Variants in MED13L observed in about 807,000 individuals in gnomAD.
The protein encoded by MED13L is mediator of RNA polymerase II transcription subunit 13-like.
In MED13L, 7 loss-of-function variants were observed where a neutral mutation model predicts 220.9. That is an observed-to-expected ratio of 0.03 (90% CI 0.02 to 0.06). The LOEUF (loss-of-function observed/expected upper bound fraction) is 0.06, where lower values mean the gene tolerates loss of function less well. Among genes scored for constraint, MED13L ranks in the 10% least tolerant of loss-of-function variants. MED13L has a pLI of 1.00. For synonymous variants in MED13L, 1,011 were observed against 1,015.2 expected, an observed-to-expected ratio of 1.00 and a Z score of 0.08; for missense variants, 1,965 against 2,760.5, an observed-to-expected ratio of 0.71 and a Z score of 6.46.
At position 116,008,969 on chromosome 12, in the gene MED13L, T is replaced by C. The variant is rs1879223663; in HGVS notation, c.1444A>G (p.Arg482Gly). 1.2e-6 allele frequency: 2 copies of C among 1,614,172 alleles called. No individual in the cohort carries two copies. Among genetic ancestry groups the C allele is most frequent in the Non-Finnish European group, 1.7e-6 (2 of 1,180,020 alleles). Residue 482 changes from arginine (R) to glycine (G), a missense_variant, in exon 10 of 31, where the codon AGA (arginine) becomes GGA (glycine). Arg to Gly is a moderately radical substitution (Grantham distance 125). This residue lies in a region of MED13L where 818 missense variants were observed against 1,041.2 expected (regional missense o/e 0.79). Coordinates refer to ENST00000281928, the MANE Select transcript of MED13L (RefSeq NM_015335.5). ...CTATGGTGAAATGGTATTAAGGGTC[T>C]CTTTTGCAGCTTGTCTCCTTTTTCC... ...RQEKGDKLQKRPLIPFHHRPS... is the reference protein window; with the variant it reads ...RQEKGDKLQKGPLIPFHHRPS...
intron 1 of MED13L, among the ~76,000 whole-genome samples, chr12:116,272,627 A>G (rs1873472348): frequency 6.6e-6 from 1 of 152,132 alleles, no homozygotes; most frequent in East Asian, 1.9e-4. Context: ...AATACATACT[A>G]TCCTAAACAC....
intron 4 of MED13L, among the ~76,000 whole-genome samples, chr12:116,057,374 A>G (rs927503355): frequency 6.6e-6 from 1 of 152,118 alleles, no homozygotes; most frequent in Non-Finnish European, 1.5e-5. Flanking sequence ...ACCAAACTGC[A>G]AAACTCTATC....
chr12:116,193,287 GACA>G (rs1881403928), intron 2 of MED13L, among the ~76,000 whole-genome samples: 1 of 152,104 alleles, frequency 6.6e-6, no homozygotes, highest in African/African-American at 2.4e-5. Flanking sequence ...CTACAGCTTG[GACA>G]ACAAAGCAAA....
intron 2 of MED13L, among the ~76,000 whole-genome samples, chr12:116,158,611 A>T (rs111554713): frequency 4.5e-4 from 69 of 152,266 alleles, no homozygotes; most frequent in African/African-American, 1.6e-3. Flanking sequence ...TTATATTATA[A>T]AAGATTTAGT....
At chr12:116,167,268 ATAT>A (rs1201310507) in intron 2 of MED13L, among the ~76,000 whole-genome samples, 1 of 152,202 alleles carries the variant, frequency 6.6e-6, no homozygotes, top group Non-Finnish European at 1.5e-5. Context: ...GGCAAGATTA[ATAT>A]TATGTTTACA....
chr12:115,976,098 G>A (rs1278624467), intron 23 of MED13L, among the ~76,000 whole-genome samples: 2 of 152,014 alleles, frequency 1.3e-5, no homozygotes, highest in Non-Finnish European at 2.9e-5. Flanking sequence ...AGAAAATATT[G>A]GTAAGAATAT....
intron 29 of MED13L, among the ~76,000 whole-genome samples, chr12:115,963,748 T>G (rs1282303618): frequency 2.0e-5 from 3 of 152,232 alleles, no homozygotes; most frequent in Non-Finnish European, 4.4e-5. Context: ...GGGCTTTTTT[T>G]GTCTACTACA....
At chr12:116,034,929 T>TGGGAGGCGGAGGTTGCA (rs1201934644) in intron 4 of MED13L, among the ~76,000 whole-genome samples, 2 of 152,038 alleles carry the variant, frequency 1.3e-5, no homozygotes, top group Non-Finnish European at 2.9e-5. Context: ...CACTTGAACC[T>TGGGAGGCGGAGGTTGCA]GGGAGGCGGA....
intron 2 of MED13L, among the ~76,000 whole-genome samples, chr12:116,159,545 C>G (rs1026000998): frequency 6.6e-6 from 1 of 152,148 alleles, no homozygotes; most frequent in South Asian, 2.1e-4. Flanking sequence ...ATCACTCTAA[C>G]TTACAGTTCA....
intron 2 of MED13L, among the ~76,000 whole-genome samples, chr12:116,217,240 G>C (rs1003016504): frequency 1.3e-5 from 2 of 152,188 alleles, no homozygotes; most frequent in African/African-American, 4.8e-5. Context: ...CAACCTATTA[G>C]GGAATGAAAC....
rs183520369 is a variant in MED13L, at chr12:116,193,987, C to G, written c.310+43481G>C. Reference sequence around the variant, plus strand: ...CTATTAAAAAGCTCCAATTAACTTTCCAGCCTTTCAGCAATTTACAAAACT... The same window carrying G: ...CTATTAAAAAGCTCCAATTAACTTTGCAGCCTTTCAGCAATTTACAAAACT... On this transcript the variant is annotated intron_variant, in intron 2 of 30. Transcript: ENST00000281928. Among the ~76,000 whole-genome samples, 138 of 152,300 alleles carry G rather than the reference C, an allele frequency of 9.1e-4. 1 individual carries two copies. Among genetic ancestry groups the G allele is most frequent in the African/African-American group, 3.2e-3 (133 of 41,564 alleles).
chr12:116,235,410 T>C (rs1335705827), intron 2 of MED13L, among the ~76,000 whole-genome samples: 1 of 152,194 alleles, frequency 6.6e-6, no homozygotes, highest in African/African-American at 2.4e-5. Flanking sequence ...TTCACAATAC[T>C]ACATTTAATT....
chr12:115,992,697 T>C (rs1244089138), intron 16 of MED13L, among the ~76,000 whole-genome samples: 1 of 152,176 alleles, frequency 6.6e-6, no homozygotes, highest in Non-Finnish European at 1.5e-5. Flanking sequence ...TGTATCAGAG[T>C]TTCCAGCTTC....
intron 4 of MED13L, among the ~76,000 whole-genome samples, chr12:116,095,949 T>C (rs1872600078): frequency 6.6e-6 from 1 of 152,194 alleles, no homozygotes; most frequent in Admixed American, 6.5e-5. Flanking sequence ...GTTCTGGTTT[T>C]ACAATCGTCA....
At chr12:116,105,049 CTTATA>C (rs1873431779) in intron 3 of MED13L, among the ~76,000 whole-genome samples, 1 of 152,162 alleles carries the variant, frequency 6.6e-6, no homozygotes, top group Non-Finnish European at 1.5e-5. Flanking sequence ...ATTATGAAAA[CTTATA>C]CTAACTATCC....
At chr12:116,230,904 T>C (rs1869494905) in intron 2 of MED13L, among the ~76,000 whole-genome samples, 2 of 152,194 alleles carry the variant, frequency 1.3e-5, no homozygotes, top group Non-Finnish European at 2.9e-5. Flanking sequence ...TATTCCTACA[T>C]ACATTATTGT....
intron 4 of MED13L, among the ~76,000 whole-genome samples, chr12:116,090,753 C>A (rs766230450): frequency 2.0e-5 from 3 of 152,082 alleles, no homozygotes; most frequent in Non-Finnish European, 4.4e-5. Context: ...TTGTTTTGAG[C>A]TTAGTTTCAG....
chr12:116,195,314 T>C (rs1353122384), intron 2 of MED13L, among the ~76,000 whole-genome samples: 1 of 151,866 alleles, frequency 6.6e-6, no homozygotes, highest in African/African-American at 2.4e-5. Context: ...GCAAAACCAC[T>C]AGAAGGGACT....
At chr12:116,144,674 G>A (rs1043768536) in intron 2 of MED13L, among the ~76,000 whole-genome samples, 3 of 152,146 alleles carry the variant, frequency 2.0e-5, no homozygotes, top group Admixed American at 6.5e-5. Context: ...GAGATAACAC[G>A]TAAAGGTGCT....
Sources: gnomAD v4.1 joint callset for allele counts (sites outside exome capture counted in the v4.1 genomes callset) on GRCh38, gnomAD v4.1.1 for gene constraint, gnomAD v4.1.1 regional missense constraint, MANE v1.5 for transcripts, NCBI Gene and HGNC (gene_info 2026-07-23, HGNC 2026-07-21) for gene names.